GCNA: variants seen among roughly 807,000 people sequenced by gnomAD.
GCNA encodes the protein germ cell nuclear acidic protein.
GCNA carries 3 observed loss-of-function variants against 38.8 expected under a neutral mutation model. The observed-to-expected ratio is 0.08, with a 90% CI of 0.04 to 0.20. The LOEUF (loss-of-function observed/expected upper bound fraction) is 0.20, where lower values mean the gene tolerates loss of function less well. Ranked by LOEUF, GCNA falls within the 10% of genes least tolerant of loss-of-function variation. GCNA has a pLI of 1.00. For missense variants in GCNA, 446 were observed against 578.6 expected (o/e 0.77, Z 2.35); for synonymous variants, 195 against 240.2 (o/e 0.81, Z 1.74).
At position 71,594,404 on chromosome X, in the gene GCNA, A is replaced by G. The variant is rs376636067; in HGVS notation, c.187+27A>G. 48 of 1,164,939 alleles carry G rather than the reference A, an allele frequency of 4.1e-5. No homozygotes were observed. In the African/African-American group the frequency reaches 7.9e-4, roughly 19 times the overall value. On this transcript the variant is annotated intron_variant, in intron 5 of 12. Coordinates refer to ENST00000373696, the MANE Select transcript of GCNA (RefSeq NM_052957.5). ...TAAGTAGAGTCCACTCAAAGCAGGA[A>G]CATTTTGAAGTGTCTTTGTAGAGAT...
At chrX:71,589,177 G>GT (rs1212269857) in intron 2 of GCNA, among the ~76,000 whole-genome samples, 54 of 102,349 alleles carry the variant, frequency 5.3e-4, no homozygotes, top group African/African-American at 7.4e-4. Flanking sequence ...TTTGAGGTTT[G>GT]TTTTTTTTTT....
At chrX:71,579,862 T>C (rs575856533) in intron 1 of GCNA, among the ~76,000 whole-genome samples, 4 of 104,710 alleles carry the variant, frequency 3.8e-5, no homozygotes, top group South Asian at 4.5e-4. Flanking sequence ...CCAGACCTGA[T>C]AGGAGGAAGG....
intron 2 of GCNA, among the ~76,000 whole-genome samples, chrX:71,588,357 G>A (rs1395507355): frequency 1.8e-5 from 2 of 111,634 alleles, no homozygotes; most frequent in Admixed American, 1.9e-4. Flanking sequence ...TGGTGAAAAT[G>A]AACAGTACAG....
chrX:71,593,963 T>C (rs5981121), intron 4 of GCNA, among the ~76,000 whole-genome samples: 8,454 of 111,719 alleles, frequency 0.076, 348 homozygotes, highest in African/African-American at 0.15. Context: ...CAATCCTCCC[T>C]GCTCAGCCTC....
intron 6 of GCNA, among the ~76,000 whole-genome samples, chrX:71,597,606 T>A (rs892253576): frequency 6.3e-5 from 7 of 111,561 alleles, no homozygotes; most frequent in Non-Finnish European, 1.3e-4. Flanking sequence ...ATCTCAAACT[T>A]GATAAAGAAA....
chrX:71,594,017 C>T (rs1372835410), intron 4 of GCNA, among the ~76,000 whole-genome samples: 6 of 111,561 alleles, frequency 5.4e-5, no homozygotes, highest in Non-Finnish European at 1.1e-4. Context: ...TGCCTGGCGT[C>T]TCTTTCATAC....
intron 2 of GCNA, among the ~76,000 whole-genome samples, chrX:71,590,241 TC>T (rs2040617205): frequency 8.9e-6 from 1 of 111,830 alleles, no homozygotes. Flanking sequence ...TTGGTTACTA[TC>T]CCACCTGGAA....
chrX:71,604,579 A>C lies in GCNA; in HGVS notation c.1302A>C (p.Ile434=), dbSNP rs752617648. ...AAAGGCAGACAAAGACCAAAAATAT[A>C]GTGGAGCCACCAAGGAAAAGGCAGA... ...PRKRQTKTKN[I]VEPPRKRQTK... The change falls in exon 8 of 13, where the codon ATA becomes ATC. Residue 434 remains isoleucine, a synonymous_variant. Transcript: ENST00000373696. The C allele has an allele frequency of 8.4e-7, 1 of 1,196,265 alleles. No individual in the cohort carries two copies. The highest frequency in any genetic ancestry group is 1.8e-5 in the South Asian group (1 of 54,753).
intron 2 of GCNA, among the ~76,000 whole-genome samples, chrX:71,583,419 C>A (rs954162405): frequency 4.5e-5 from 5 of 110,842 alleles, no homozygotes; most frequent in Non-Finnish European, 9.4e-5. Flanking sequence ...GAGTTTGAGA[C>A]CAGCCTGGGC....
intron 2 of GCNA, among the ~76,000 whole-genome samples, chrX:71,583,300 A>C (rs911256940): frequency 3.6e-5 from 4 of 111,312 alleles, no homozygotes; most frequent in African/African-American, 1.3e-4. Flanking sequence ...ATGACCTGGT[A>C]AACATTATTT....
chrX:71,600,494 G>A (rs1337935197), intron 7 of GCNA, among the ~76,000 whole-genome samples: 3 of 111,172 alleles, frequency 2.7e-5, no homozygotes, highest in Non-Finnish European at 5.7e-5. Context: ...TTTTGCTGTG[G>A]ACCAGTGAAA....
Position 71,588,755 on chromosome X carries a change from A to G in GCNA, c.60-3367A>G, listed in dbSNP as rs770989706. Among the ~76,000 whole-genome samples, 7 of 111,585 alleles carry G rather than the reference A, an allele frequency of 6.3e-5. No homozygotes were observed. The East Asian group carries it at 2.0e-3, about 31-fold the overall frequency. ...GGCAGGAGAATCACTTAAACCCAGG[A>G]GGTGGAGGTTGCAGTGAACCAAGAT... On this transcript the variant is annotated intron_variant, in intron 2 of 12. Coordinates refer to ENST00000373696, the MANE Select transcript of GCNA (RefSeq NM_052957.5).
Position 71,612,800 on chromosome X carries a change from A to G in GCNA, c.1956-62A>G, listed in dbSNP as rs2040822767. ...GCTTTGGGCCCAAGGCTAACATCTC[A>G]GAGCTGATGCTGAGGTGCAGTGACT... is the stretch of plus-strand genomic sequence containing the variant. On this transcript the variant is annotated intron_variant, in intron 12 of 12. Transcript: ENST00000373696. 4 of 1,185,050 alleles carry G rather than the reference A, an allele frequency of 3.4e-6. No individual in the cohort carries two copies. The Admixed American group carries it at 9.6e-5, about 28-fold the overall frequency.
At chrX:71,604,718 C>A in intron 8 of GCNA, 42 bp downstream of exon 8, 1 of 1,193,623 alleles carries the variant, frequency 8.4e-7, no homozygotes, top group Non-Finnish European at 1.1e-6. Context: ...ACTGAATGTG[C>A]CTTGCCTGCC....
chrX:71,609,021 G>A lies in GCNA; in HGVS notation c.1515G>A (p.Lys505=), dbSNP rs768497086. 8.3e-7 allele frequency: 1 copy of A among 1,210,844 alleles called. No homozygotes were observed. The highest frequency in any genetic ancestry group is 1.1e-6 in the Non-Finnish European group (1 of 894,752). ...GATGTTTCTTGCAAGACCTTGAAAA[G>A]TCAAAGAAATACTCTGGAAAAAATT... The part of the protein sequence containing the change: ...VPGCFLQDLE[K]SKKYSGKNLK... Residue 505 remains lysine, a synonymous_variant, in exon 10 of 13, where the codon AAG becomes AAA. Transcript: ENST00000373696.
intron 7 of GCNA, among the ~76,000 whole-genome samples, chrX:71,601,027 A>C (rs1258734778): frequency 9.0e-6 from 1 of 111,653 alleles, no homozygotes; most frequent in African/African-American, 3.3e-5. Flanking sequence ...CCATTAGTTC[A>C]ATTGTTTTCA....
chrX:71,609,141 A>G (rs368691608), intron 10 of GCNA, 24 bp downstream of exon 10: 12 of 1,177,817 alleles, frequency 1.0e-5, no homozygotes, highest in Non-Finnish European at 1.4e-5. Flanking sequence ...ATGAGCACTG[A>G]TTGAGCACCT....
chrX:71,603,895 C>T lies in GCNA; in HGVS notation c.618C>T (p.Asp206=), dbSNP rs778719382. Residue 206 remains aspartate, a synonymous_variant, in exon 8 of 13, where the codon GAC becomes GAT. Coordinates refer to ENST00000373696, the MANE Select transcript of GCNA (RefSeq NM_052957.5). ...ACGACAACAGTGATGATTCATCCGA[C>T]GACAACAGTGATGATTCGGATGTTC... is the stretch of plus-strand genomic sequence containing the variant. The part of the protein sequence containing the change: ...SSDDNSDDSS[D]DNSDDSDVPD... The T allele has an allele frequency of 2.5e-6, 3 of 1,206,768 alleles. No homozygotes were observed. Among genetic ancestry groups the T allele is most frequent in the Non-Finnish European group, 2.2e-6 (2 of 894,253 alleles).
chrX:71,598,131 T>A (rs2147722178), intron 7 of GCNA, 93 bp downstream of exon 7: 1 of 609,980 alleles, frequency 1.6e-6, no homozygotes, highest in African/African-American at 2.2e-5. Context: ...GACTTTCTAT[T>A]CAGAATCCCT....
Sources: gnomAD v4.1 joint callset for allele counts (sites outside exome capture counted in the v4.1 genomes callset) on GRCh38, gnomAD v4.1.1 for gene constraint, MANE v1.5 for transcripts, NCBI Gene and HGNC (gene_info 2026-07-23, HGNC 2026-07-21) for gene names.